The following RABEP1 variants were observed in gnomAD, a reference collection of about 807,000 sequenced individuals.
RABEP1 encodes rab GTPase-binding effector protein 1.
Under a neutral mutation model 123.4 loss-of-function variants are expected in RABEP1, and 51 were observed. That is an observed-to-expected ratio of 0.41 (90% confidence interval 0.33 to 0.52). The LOEUF (loss-of-function observed/expected upper bound fraction) is 0.52, where lower values mean the gene tolerates loss of function less well. Among genes scored for constraint, RABEP1 ranks in the 20% least tolerant of loss-of-function variants. RABEP1 has a pLI of 0.16. For missense variants in RABEP1, 888 were observed against 996.3 expected, an observed-to-expected ratio of 0.89 and a Z score of 1.46; for synonymous variants, 347 against 355.2, an observed-to-expected ratio of 0.98 and a Z score of 0.26.
intron 11 of RABEP1, among the ~76,000 whole-genome samples, chr17:5,365,572 G>GA (rs992478468): frequency 8.7e-4 from 127 of 146,458 alleles, no homozygotes; most frequent in Middle Eastern, 3.4e-3. Context: ...CAACATGAAA[G>GA]AAAAAAAAAA....
At position 5,338,044 on chromosome 17, in the gene RABEP1, G is replaced by A. The variant is rs541212612; in HGVS notation, c.554G>A (p.Arg185Gln). The A allele has an allele frequency of 3.7e-6, 6 of 1,612,996 alleles. No homozygotes were observed. Among genetic ancestry groups the A allele is most frequent in the African/African-American group, 1.3e-5 (1 of 74,992 alleles). The change falls in exon 5 of 18, where the codon CGG becomes CAG. Residue 185 changes from arginine to glutamine, a missense_variant. Physicochemically the swap from Arg to Gln is conservative, Grantham distance 43 (BLOSUM62 1). Coordinates refer to ENST00000537505, the MANE Select transcript of RABEP1 (RefSeq NM_004703.6). ...GCCCAAGAGGATGCTGAGAAACTTC[G>A]GTCCGTTGTGATGCCAATGGAAAAG... ...KKAQEDAEKL[R>Q]SVVMPMEKEI...
intron 2 of RABEP1, among the ~76,000 whole-genome samples, chr17:5,317,618 C>T (rs939951693): frequency 8.6e-5 from 6 of 69,522 alleles, no homozygotes; most frequent in African/African-American, 3.5e-4. Flanking sequence ...GGAATCCATA[C>T]TGGAAAGGAT....
Position 5,361,411 on chromosome 17 carries a change from C to A in RABEP1, c.1299C>A (p.Asn433Lys), listed in dbSNP as rs762030208. 6 of 1,614,180 alleles carry A rather than the reference C, an allele frequency of 3.7e-6. No individual in the cohort carries two copies. Among genetic ancestry groups the A allele is most frequent in the Non-Finnish European group, 1.7e-6 (2 of 1,180,016 alleles). ...GYNYKAKSAG[N>K]LDESDFGPLV... ...ACTACAAAGCAAAATCTGCTGGAAA[C>A]CTGGACGAGTCAGATTTTGGACCAC... Residue 433 changes from asparagine (N) to lysine (K), a missense_variant, in exon 9 of 18, where the codon AAC becomes AAA. Transcript: ENST00000537505.
At chr17:5,359,276 A>G (rs543469434) in intron 8 of RABEP1, among the ~76,000 whole-genome samples, 54 of 152,088 alleles carry the variant, frequency 3.6e-4, no homozygotes, top group Admixed American at 2.4e-3. Context: ...GGGTTTCACC[A>G]TGCTAGCCAG....
In RABEP1 at chr17:5,334,034, G is replaced by C. The variant is rs538459314; in HGVS notation, c.368-1150G>C. Among the ~76,000 whole-genome samples the C allele has an allele frequency of 4.0e-5, 6 of 150,856 alleles. No individual in the cohort carries two copies. The South Asian group carries it at 1.0e-3, about 26-fold the overall frequency. On this transcript the variant is annotated intron_variant, in intron 3 of 17. Transcript: ENST00000537505. ...GTGGAAATTAATGGGCAATCAACAGGGTCTGTTACCTAGTGGTTTTTTTTT... is the reference window on the plus strand; with the variant it reads ...GTGGAAATTAATGGGCAATCAACAGCGTCTGTTACCTAGTGGTTTTTTTTT...
intron 4 of RABEP1, among the ~76,000 whole-genome samples, chr17:5,336,922 TATG>T (rs1449576398): frequency 2.0e-5 from 3 of 152,204 alleles, no homozygotes; most frequent in Non-Finnish European, 2.9e-5. Context: ...TTTGGGCATT[TATG>T]ATATTTTTCC....
intron 13 of RABEP1, among the ~76,000 whole-genome samples, chr17:5,375,322 T>C (rs1597297037): frequency 1.3e-5 from 2 of 152,270 alleles, no homozygotes; most frequent in East Asian, 1.9e-4. Flanking sequence ...CAACTTCTTA[T>C]CGTCTCAGCT....
chr17:5,316,183 G>C (rs1331824114), intron 2 of RABEP1, among the ~76,000 whole-genome samples: 1 of 152,170 alleles, frequency 6.6e-6, no homozygotes, highest in Non-Finnish European at 1.5e-5. Context: ...GGCTGCAGTG[G>C]CTCATGCCTG....
At chr17:5,295,762 TA>T (rs2075077762) in intron 1 of RABEP1, among the ~76,000 whole-genome samples, 1 of 152,240 alleles carries the variant, frequency 6.6e-6, no homozygotes, top group African/African-American at 2.4e-5. Context: ...TAGAGCATTC[TA>T]AATTTGGTTC....
intron 2 of RABEP1, among the ~76,000 whole-genome samples, chr17:5,314,234 CTTTTTT>C (rs71151864): frequency 1.4e-3 from 78 of 55,582 alleles, no homozygotes; most frequent in Admixed American, 1.5e-3. Context: ...AGTACCTATT[CTTTTTT>C]TTTTTTTTTT....
chr17:5,362,719 C>G (rs1909659676), intron 9 of RABEP1, among the ~76,000 whole-genome samples, 193 bp from the exon 10 acceptor site: 1 of 152,190 alleles, frequency 6.6e-6, no homozygotes, highest in South Asian at 2.1e-4. Flanking sequence ...TCCCATGTGT[C>G]CTATCATACT....
intron 11 of RABEP1, 67 bp from the exon 12 acceptor site, chr17:5,368,303 G>T: frequency 9.2e-7 from 1 of 1,085,018 alleles, no homozygotes. Context: ...ATAGTTAGAA[G>T]ATGGAAGAGT....
intron 2 of RABEP1, among the ~76,000 whole-genome samples, chr17:5,311,941 G>C (rs1305937328): frequency 6.6e-6 from 1 of 152,092 alleles, no homozygotes. Flanking sequence ...TTTTATTACA[G>C]CAATTATTAT....
chr17:5,287,169 A>G (rs1468161041), intron 1 of RABEP1, among the ~76,000 whole-genome samples: 2 of 152,152 alleles, frequency 1.3e-5, no homozygotes, highest in Non-Finnish European at 2.9e-5. Context: ...CCCTAGAAGT[A>G]TTGCAAAGAT....
chr17:5,310,153 C>T lies in RABEP1; in HGVS notation c.163+1331C>T, dbSNP rs553366244. Among the ~76,000 whole-genome samples, 33 of 152,150 alleles carry T rather than the reference C, an allele frequency of 2.2e-4. No homozygotes were observed. The East Asian group carries it at 4.4e-3, about 20-fold the overall frequency. On this transcript the variant is annotated intron_variant, in intron 2 of 17. Transcript: ENST00000537505. ...CTGTTCTGGACTAGTGATCATGCAC[C>T]TTTTTTAACTTATGAACTCTGTAAA... is the stretch of plus-strand genomic sequence containing the variant.
chr17:5,375,708 A>G (rs933223862), intron 13 of RABEP1, among the ~76,000 whole-genome samples: 1 of 151,750 alleles, frequency 6.6e-6, no homozygotes, highest in African/African-American at 2.4e-5. Context: ...CCCTGTCTCA[A>G]TTAAAAAAAA....
In RABEP1 at chr17:5,352,672, A is replaced by G. The variant is rs1908659306; in HGVS notation, c.964-1687A>G. On this transcript the variant is annotated intron_variant, in intron 7 of 17. Coordinates refer to ENST00000537505, the MANE Select transcript of RABEP1 (RefSeq NM_004703.6). ...TTGGCGGAACCCCACCTCTACTAAA[A>G]ATACAAAAATTAGCCAGGTGTGGTG... Among the ~76,000 whole-genome samples the G allele has an allele frequency of 2.0e-5, 3 of 151,868 alleles. No homozygotes were observed. In the South Asian group the frequency reaches 6.2e-4, roughly 32 times the overall value.
intron 5 of RABEP1, 106 bp downstream of exon 5, chr17:5,338,244 T>C: frequency 5.2e-6 from 7 of 1,335,486 alleles, no homozygotes; most frequent in Non-Finnish European, 7.0e-6. Flanking sequence ...ATTTAGACTA[T>C]GCATCTTAAG....
chr17:5,342,963 A>C (rs1383410734), intron 5 of RABEP1, among the ~76,000 whole-genome samples: 2 of 152,188 alleles, frequency 1.3e-5, no homozygotes, highest in Non-Finnish European at 2.9e-5. Flanking sequence ...TGGATTGTTA[A>C]AAAATACCCT....
Sources: gnomAD v4.1 joint callset for allele counts (sites outside exome capture counted in the v4.1 genomes callset) on GRCh38, gnomAD v4.1.1 for gene constraint, MANE v1.5 for transcripts, NCBI Gene and HGNC (gene_info 2026-07-23, HGNC 2026-07-21) for gene names.